FGD4: variants seen among roughly 807,000 people sequenced by gnomAD.
The protein encoded by FGD4 is FYVE, RhoGEF and PH domain containing 4, also known as FYVE, RhoGEF and PH domain-containing protein 4.
FGD4 carries 42 observed loss-of-function variants against 102.0 expected under a neutral mutation model. That is an observed-to-expected ratio of 0.41 (90% CI 0.32 to 0.53). The LOEUF (loss-of-function observed/expected upper bound fraction) is 0.53, where lower values mean the gene tolerates loss of function less well. Among genes scored for constraint, FGD4 ranks in the 20% least tolerant of loss-of-function variants. The pLI is 0.21. For missense variants in FGD4, 902 were observed against 1,078.2 expected, an observed-to-expected ratio of 0.84 and a Z score of 2.29; for synonymous variants, 380 against 375.7, an observed-to-expected ratio of 1.01 and a Z score of -0.13.
At chr12:32,598,914 TTGA>T (rs1948123992) in intron 5 of FGD4, among the ~76,000 whole-genome samples, 1 of 152,230 alleles carries the variant, frequency 6.6e-6, no homozygotes, top group African/African-American at 2.4e-5. Flanking sequence ...AAATAAGATA[TTGA>T]TGATTCTAAT....
intron 1 of FGD4, among the ~76,000 whole-genome samples, chr12:32,536,672 C>T (rs1030057766): frequency 1.3e-5 from 2 of 152,038 alleles, no homozygotes; most frequent in Non-Finnish European, 1.5e-5. Flanking sequence ...GTTGGTTATA[C>T]GTTGAAGCAG....
chr12:32,545,960 T>C (rs1943195749), intron 1 of FGD4, among the ~76,000 whole-genome samples: 1 of 152,266 alleles, frequency 6.6e-6, no homozygotes, highest in Non-Finnish European at 1.5e-5. Context: ...ATTATTTTAA[T>C]TTCCTGGAAC....
At chr12:32,605,186 G>A (rs927943596) in intron 7 of FGD4, among the ~76,000 whole-genome samples, 14 of 151,944 alleles carry the variant, frequency 9.2e-5, no homozygotes, top group African/African-American at 3.1e-4. Flanking sequence ...TGATTCCCCC[G>A]TCTCGGCTTT....
At chr12:32,627,247 C>T (rs1041050976) in intron 14 of FGD4, among the ~76,000 whole-genome samples, 4 of 152,188 alleles carry the variant, frequency 2.6e-5, no homozygotes, top group Admixed American at 6.5e-5. Flanking sequence ...CTCCACCTCC[C>T]GGGTTCAAGT....
chr12:32,534,843 GA>G (rs1323271730), intron 1 of FGD4, among the ~76,000 whole-genome samples: 1 of 152,176 alleles, frequency 6.6e-6, no homozygotes, highest in Non-Finnish European at 1.5e-5. Context: ...TTTCTGGTGT[GA>G]ACAAATGTTA....
At chr12:32,519,178 G>C (rs190483523) in intron 1 of FGD4, among the ~76,000 whole-genome samples, 5 of 145,900 alleles carry the variant, frequency 3.4e-5, no homozygotes, top group African/African-American at 1.3e-4. Flanking sequence ...GTGCCCATTT[G>C]CTAACCTTTC....
chr12:32,581,872 A>G (rs752577449), intron 3 of FGD4, 88 bp from the exon 4 acceptor site: 32 of 1,444,756 alleles, frequency 2.2e-5, no homozygotes, highest in Admixed American at 3.7e-5. Flanking sequence ...AGTAGCGAAT[A>G]TCCCTTTTCA....
chr12:32,453,212 A>C (rs1164679349), intron 1 of FGD4, among the ~76,000 whole-genome samples: 105 of 55,610 alleles, frequency 1.9e-3, no homozygotes, highest in African/African-American at 4.3e-3. Flanking sequence ...ATATATATAT[A>C]TATATATAAT....
chr12:32,560,252 TTTTA>T (rs1944429987), intron 1 of FGD4, among the ~76,000 whole-genome samples: 1 of 152,208 alleles, frequency 6.6e-6, no homozygotes, highest in Admixed American at 6.5e-5. Context: ...CTGTTTATAA[TTTTA>T]TTTATTTTGA....
intron 1 of FGD4, among the ~76,000 whole-genome samples, chr12:32,429,980 A>G (rs1442132402): frequency 6.6e-6 from 1 of 151,790 alleles, no homozygotes; most frequent in Non-Finnish European, 1.5e-5. Flanking sequence ...AAAAAAAAAA[A>G]GGACATTTTC....
intron 10 of FGD4, among the ~76,000 whole-genome samples, chr12:32,614,273 C>G (rs1949317211): frequency 6.6e-6 from 1 of 152,186 alleles, no homozygotes; most frequent in African/African-American, 2.4e-5. Flanking sequence ...CATCAAGCTT[C>G]TAAAGCATTT....
intron 1 of FGD4, among the ~76,000 whole-genome samples, chr12:32,454,631 T>C (rs1325284424): frequency 1.3e-5 from 2 of 152,232 alleles, no homozygotes; most frequent in Admixed American, 6.5e-5. Flanking sequence ...GATTCCTTCA[T>C]ACTAAATGAT....
chr12:32,582,765 T>C (rs1946717992), intron 4 of FGD4: 4 of 391,772 alleles, frequency 1.0e-5, no homozygotes, highest in African/African-American at 2.0e-5. Flanking sequence ...AGAAAGAAAA[T>C]GTTCCTTGTT....
chr12:32,609,447 T>C (rs1949000652), intron 8 of FGD4, among the ~76,000 whole-genome samples: 1 of 152,166 alleles, frequency 6.6e-6, no homozygotes, highest in African/African-American at 2.4e-5. Context: ...GAGCAGTGGC[T>C]TTATCCCATC....
In FGD4 at chr12:32,582,590, G is replaced by A. The variant is rs1332798531; in HGVS notation, c.1011+123G>A. ...AGATCACCCACACTGGCAGTTAAAC[G>A]ATTTTCAAGCTCTGGCTGCTGATTA... On this transcript the variant is annotated intron_variant, in intron 4 of 16. Transcript: ENST00000534526. 1.1e-5 allele frequency: 14 copies of A among 1,302,952 alleles called. No individual in the cohort carries two copies. The East Asian group carries it at 1.5e-4, about 14-fold the overall frequency. The allele number at this position is 1,302,952 out of a possible 1,614,324, so 80.7% of individuals were successfully genotyped here. A position where few individuals can be genotyped will look rare whatever the true frequency, so the allele number is the denominator to read the frequency against.
intron 1 of FGD4, among the ~76,000 whole-genome samples, chr12:32,425,495 G>C (rs1941799310): frequency 6.6e-6 from 1 of 152,216 alleles, no homozygotes; most frequent in Non-Finnish European, 1.5e-5. Flanking sequence ...ACAGTTTGAA[G>C]TCAGGTAGCA....
chr12:32,638,930 T>G, intron 16 of FGD4, 135 bp downstream of exon 16: 1 of 1,514,564 alleles, frequency 6.6e-7, no homozygotes, highest in Middle Eastern at 1.7e-4. Context: ...AAATAATGAG[T>G]AAAGTTCAAG....
intron 1 of FGD4, among the ~76,000 whole-genome samples, chr12:32,551,711 T>G (rs1348453113): frequency 1.3e-5 from 2 of 152,234 alleles, no homozygotes; most frequent in Non-Finnish European, 2.9e-5. Flanking sequence ...TGCATGTGCC[T>G]AGCATTTGAG....
intron 11 of FGD4, among the ~76,000 whole-genome samples, chr12:32,623,679 C>T (rs980638342): frequency 1.3e-5 from 2 of 152,108 alleles, no homozygotes; most frequent in African/African-American, 4.8e-5. Flanking sequence ...AGTTCAGAGT[C>T]CACTAAAGAG....
Sources: gnomAD v4.1 joint callset for allele counts (sites outside exome capture counted in the v4.1 genomes callset) on GRCh38, gnomAD v4.1.1 for gene constraint, MANE v1.5 for transcripts, NCBI Gene and HGNC (gene_info 2026-07-23, HGNC 2026-07-21) for gene names.